TYRP1: variants seen among roughly 807,000 people sequenced by gnomAD.
TYRP1 encodes the protein 5,6-dihydroxyindole-2-carboxylic acid oxidase.
TYRP1 carries 49 observed loss-of-function variants against 42.8 expected under a neutral mutation model. That is an observed-to-expected ratio of 1.14 (90% confidence interval 0.91 to 1.45). TYRP1 has a LOEUF of 1.45. Among genes scored for constraint, TYRP1 ranks in the 40% most tolerant of loss-of-function variants. The pLI is 0.00. For missense variants in TYRP1, 848 were observed against 662.0 expected (o/e 1.28, Z -3.08); for synonymous variants, 279 against 235.4 (o/e 1.19, Z -1.69).
Position 12,694,134 on chromosome 9 carries a change from C to G in TYRP1, c.138C>G (p.Ser46=), listed in dbSNP as rs185178312. 2.5e-6 allele frequency: 4 copies of G among 1,614,022 alleles called. No individual in the cohort carries two copies. The highest frequency in any genetic ancestry group is 1.7e-5 in the Admixed American group (1 of 60,006). ...GTGGTATGTGTTGCCCAGACCTGTCCCCTGTGTCTGGGCCTGGGACAGACC... is the reference window on the plus strand; with the variant it reads ...GTGGTATGTGTTGCCCAGACCTGTCGCCTGTGTCTGGGCCTGGGACAGACC... ...LRSGMCCPDL[S]PVSGPGTDRC... The change falls in exon 2 of 8, where the codon TCC becomes TCG. Residue 46 remains serine, a synonymous_variant. Transcript: ENST00000388918.
intron 3 of TYRP1, among the ~76,000 whole-genome samples, chr9:12,697,918 A>G (rs575390318): frequency 1.3e-5 from 2 of 152,182 alleles, no homozygotes; most frequent in Non-Finnish European, 2.9e-5. Flanking sequence ...AGTGTGAAAG[A>G]GTCCATTGGC....
intron 4 of TYRP1, among the ~76,000 whole-genome samples, chr9:12,699,390 C>A (rs1818130241): frequency 6.6e-6 from 1 of 151,996 alleles, no homozygotes; most frequent in African/African-American, 2.4e-5. Context: ...TTATTAGACA[C>A]CCCCTACCTC....
chr9:12,709,426 A>C lies in TYRP1; in HGVS notation c.*244A>C. On this transcript the variant is annotated 3_prime_UTR_variant, in exon 8 of 8. Transcript: ENST00000388918. ...ACACTAAACTCCATGATATTTAAGG[A>C]TAGTGTGAAGATCTTTGGCATGATT... is the stretch of plus-strand genomic sequence containing the variant. 3.9e-6 allele frequency: 2 copies of C among 513,058 alleles called. No individual in the cohort carries two copies. Among genetic ancestry groups the C allele is most frequent in the East Asian group, 7.1e-5 (2 of 28,192 alleles). 31.8% of individuals were successfully genotyped at this position (513,058 alleles called of 1,614,324 possible). A position where few individuals can be genotyped will look rare whatever the true frequency, so the allele number is the denominator to read the frequency against.
In TYRP1 at chr9:12,695,544, GAAGAA is replaced by G. The variant is rs775010915; in HGVS notation, c.421_425del (p.Lys141ProfsTer38). The stretch of plus-strand genomic sequence containing the variant: ...GAGAAATCTTCTGGACTTAAGTAAA[GAAGAA>G]AAGAACCACTTTGTCCGGGCCCTGG... On this transcript the variant is annotated frameshift_variant, in exon 3 of 8. Transcript: ENST00000388918. LOFTEE classifies it high-confidence loss of function. 3.1e-6 allele frequency: 5 copies of G among 1,613,978 alleles called. No homozygotes were observed. The highest frequency in any genetic ancestry group is 4.2e-6 in the Non-Finnish European group (5 of 1,179,996).
intron 3 of TYRP1, among the ~76,000 whole-genome samples, chr9:12,697,119 G>T (rs991099014): frequency 6.6e-6 from 1 of 152,084 alleles, no homozygotes; most frequent in Non-Finnish European, 1.5e-5. Context: ...GTAGATTATA[G>T]ATAAATCTGT....
In TYRP1 at chr9:12,693,762, A is replaced by T; in HGVS notation, c.-85-150A>T. On this transcript the variant is annotated intron_variant, in intron 1 of 7. Transcript: ENST00000388918. ...GTTATATATGCCAAATTTTAAAGGT[A>T]AAATTTGTGTGAAATGTCACACTTT... The T allele has an allele frequency of 7.3e-4, 97 of 132,962 alleles. 30 individuals carry two copies. Among genetic ancestry groups the T allele is most frequent in the Non-Finnish European group, 2.0e-3 (65 of 32,362 alleles). 8.2% of individuals were successfully genotyped at this position (132,962 alleles called of 1,614,324 possible). A position where few individuals can be genotyped will look rare whatever the true frequency, so the allele number is the denominator to read the frequency against.
At position 12,704,681 on chromosome 9, in the gene TYRP1, G is replaced by A. The variant is rs3202399; in HGVS notation, c.1237G>A (p.Glu413Lys). 6 of 1,612,844 alleles carry A rather than the reference G, an allele frequency of 3.7e-6. No homozygotes were observed. In the East Asian group the frequency reaches 1.1e-4, roughly 30 times the overall value. Residue 413 changes from glutamate to lysine, a missense_variant, in exon 6 of 8, where the codon GAA becomes AAA. Physicochemically the swap from Glu to Lys is moderately conservative, Grantham distance 56. Transcript: ENST00000388918. ...CACCTTCACAGATGCAGTCTTTGAT[G>A]AATGGCTGAGGAGATACAATGCTGG... ...LHTFTDAVFD[E>K]WLRRYNADIS...
intron 6 of TYRP1, among the ~76,000 whole-genome samples, chr9:12,705,711 G>A (rs536564181): frequency 6.6e-6 from 1 of 152,052 alleles, no homozygotes; most frequent in South Asian, 2.1e-4. Context: ...GCCAGGCATG[G>A]TCATGGGCAC....
At chr9:12,700,576 T>C (rs1330247036) in intron 4 of TYRP1, 3 of 152,110 alleles carry the variant, frequency 2.0e-5, no homozygotes, top group African/African-American at 4.8e-5. Context: ...GTCCATAGGA[T>C]GTTAGGTGCA....
rs377110547 is a variant in TYRP1 at position 12,695,495 on chromosome 9, T to C, written c.386-20T>C. 6.2e-7 allele frequency: 1 copy of C among 1,613,538 alleles called. No homozygotes were observed. Among genetic ancestry groups the C allele is most frequent in the Admixed American group, 1.7e-5 (1 of 60,026 alleles). On this transcript the variant is annotated intron_variant, in intron 2 of 7. Transcript: ENST00000388918. ...CCCGCAAGGCAGATGTTTTCATGCT[T>C]GAATTTTGTATCCCTAAAGTCAGGA...
rs774369090 is a variant in TYRP1, at chr9:12,708,102, C to T, written c.1367C>T (p.Ala456Val). 8.7e-6 allele frequency: 14 copies of T among 1,612,668 alleles called. No homozygotes were observed. The Admixed American group carries it at 2.3e-4, about 27-fold the overall frequency. The change falls in exon 7 of 8, where the codon GCT becomes GTT. Residue 456 changes from alanine (A) to valine (V), a missense_variant. Ala to Val is a moderately conservative substitution (Grantham distance 64). Transcript: ENST00000388918. The stretch of plus-strand genomic sequence containing the variant: ...ACCAACACAGAAATGTTTGTTACTG[C>T]TCCAGACAACCTGGGATACACTTAT... The part of the protein sequence containing the change: ...PVTNTEMFVT[A>V]PDNLGYTYEI...
chr9:12,702,681 C>T (rs1051412446), intron 5 of TYRP1, among the ~76,000 whole-genome samples: 15 of 151,922 alleles, frequency 9.9e-5, no homozygotes, highest in African/African-American at 3.4e-4. Context: ...TTCTTAAACA[C>T]CCAAAAACTT....
intron 3 of TYRP1, among the ~76,000 whole-genome samples, chr9:12,696,998 A>C (rs1341368538): frequency 6.6e-6 from 1 of 152,180 alleles, no homozygotes; most frequent in African/African-American, 2.4e-5. Flanking sequence ...TACAGGATAA[A>C]ATATTCTTTT....
chr9:12,701,416 G>A (rs562817449), intron 4 of TYRP1, among the ~76,000 whole-genome samples: 3 of 152,026 alleles, frequency 2.0e-5, no homozygotes, highest in African/African-American at 7.2e-5. Context: ...CAGGTACTGT[G>A]CCAAGTCTGT....
At position 12,694,079 on chromosome 9, in the gene TYRP1, GACA is replaced by G; in HGVS notation, c.84_86del (p.Gln29del). The stretch of plus-strand genomic sequence containing the variant: ...CAGCAGGCCCGGGCTCAATTCCCAA[GACA>G]GTGTGCCACTGTTGAGGCTTTGAGA... On this transcript the variant is annotated inframe_deletion, in exon 2 of 8. Coordinates refer to ENST00000388918, the MANE Select transcript of TYRP1 (RefSeq NM_000550.3). 5 of 1,614,012 alleles carry G rather than the reference GACA, an allele frequency of 3.1e-6. No homozygotes were observed. Among genetic ancestry groups the G allele is most frequent in the Non-Finnish European group, 4.2e-6 (5 of 1,180,030 alleles).
At chr9:12,702,151 T>G in intron 4 of TYRP1, 120 bp from the exon 5 acceptor site, 1 of 1,075,298 alleles carries the variant, frequency 9.3e-7, no homozygotes, top group Non-Finnish European at 1.3e-6. Flanking sequence ...ATTTTTAAAT[T>G]TTCTTTTCTA....
intron 2 of TYRP1, among the ~76,000 whole-genome samples, chr9:12,695,196 A>G (rs1185379093): frequency 6.6e-6 from 1 of 152,224 alleles, no homozygotes; most frequent in Admixed American, 6.5e-5. Flanking sequence ...TTAAAAAGAC[A>G]GAAAATTCCA....
intron 3 of TYRP1, 124 bp from the exon 4 acceptor site, chr9:12,698,327 A>G (rs1403603112): frequency 3.2e-6 from 3 of 944,164 alleles, no homozygotes; most frequent in Non-Finnish European, 5.0e-6. Context: ...CACCGTTGAT[A>G]TACTAACCAG....
intron 4 of TYRP1, 51 bp downstream of exon 4, chr9:12,698,706 A>G: frequency 6.4e-7 from 1 of 1,551,274 alleles, no homozygotes; most frequent in Non-Finnish European, 8.9e-7. Context: ...AGATAAAGAG[A>G]TTAAATATGT....
Sources: allele counts gnomAD v4.1 joint callset (sites outside exome capture counted in the v4.1 genomes callset), GRCh38; gene constraint gnomAD v4.1.1; transcripts MANE v1.5; gene names NCBI Gene and HGNC (gene_info 2026-07-23, HGNC 2026-07-21).